The following PPP2R3B variants were observed in gnomAD, a reference collection of about 807,000 sequenced individuals.
PPP2R3B encodes serine/threonine-protein phosphatase 2A regulatory subunit B'' subunit beta.
PPP2R3B carries 68 observed loss-of-function variants against 72.9 expected under a neutral mutation model. The ratio of observed to expected loss-of-function variants is 0.93; its 90% CI spans 0.77 to 1.14. The LOEUF is 1.14. Among genes scored for constraint, PPP2R3B ranks in the 50% most tolerant of loss-of-function variants. The pLI is 0.00. For missense variants in PPP2R3B, 1,018 were observed against 842.0 expected (o/e 1.21, Z -2.59); for synonymous variants, 466 against 375.8 (o/e 1.24, Z -2.78).
Position 382,293 on chromosome X carries a change from G to A in PPP2R3B, c.324+4075C>T, listed in dbSNP as rs187900476. On this transcript the variant is annotated intron_variant, in intron 1 of 12. Transcript: ENST00000390665. Reference sequence around the variant, plus strand: ...GCTCACTGCAATCTCCGCCTCCCAGGTTCAAGTGATTCTCCTGCCTCAGCC... The same window carrying A: ...GCTCACTGCAATCTCCGCCTCCCAGATTCAAGTGATTCTCCTGCCTCAGCC... Among the ~76,000 whole-genome samples, 171 of 151,312 alleles carry A rather than the reference G, an allele frequency of 1.1e-3. 1 individual carries two copies. Among genetic ancestry groups the A allele is most frequent in the African/African-American group, 3.9e-3 (159 of 41,178 alleles).
intron 7 of PPP2R3B, chrX:342,228 AG>A: frequency 1.8e-6 from 1 of 569,570 alleles, no homozygotes; most frequent in South Asian, 2.1e-5. Context: ...TTTCAGACGG[AG>A]AGAGAGACCT....
chrX:357,541 T>A (rs760400336), intron 2 of PPP2R3B, among the ~76,000 whole-genome samples: 2 of 152,078 alleles, frequency 1.3e-5, no homozygotes, highest in Admixed American at 1.3e-4. Flanking sequence ...GAACCGGAAA[T>A]AAATGATTCT....
intron 1 of PPP2R3B, among the ~76,000 whole-genome samples, chrX:374,249 A>T (rs778589330): frequency 4.5e-4 from 69 of 152,152 alleles, no homozygotes; most frequent in African/African-American, 1.6e-3. Flanking sequence ...ACAACACCAG[A>T]GCTGGCTGCA....
Position 334,449 on chromosome X carries a change from G to A in PPP2R3B, c.1646C>T (p.Pro549Leu), listed in dbSNP as rs2070832766. 3.1e-6 allele frequency: 5 copies of A among 1,595,828 alleles called. No homozygotes were observed. Among genetic ancestry groups the A allele is most frequent in the Non-Finnish European group, 4.3e-6 (5 of 1,176,216 alleles). Residue 549 changes from proline to leucine, a missense_variant, in exon 13 of 13, where the codon CCC (proline) becomes CTC (leucine). Transcript: ENST00000390665. Reference protein sequence around the residue: ...SALRSPLAQRPFFEAPSPLGA... With the variant: ...SALRSPLAQRLFFEAPSPLGA... ...CAGCGGTGAGGGCGCCTCGAAGAAG[G>A]GCCTCTGGGCCAGCGGGGAGCGCAG...
chrX:364,681 G>A (rs2071659810), intron 1 of PPP2R3B, among the ~76,000 whole-genome samples: 1 of 94,382 alleles, frequency 1.1e-5, no homozygotes, highest in Non-Finnish European at 2.0e-5. Context: ...TCGCACCACT[G>A]CACTCCAGCC....
chrX:340,252 G>T (rs2738370), intron 10 of PPP2R3B, among the ~76,000 whole-genome samples: 1 of 92,426 alleles, frequency 1.1e-5, no homozygotes, highest in African/African-American at 4.0e-5. Flanking sequence ...CAGCACGAAC[G>T]TGGCAACTGC....
intron 1 of PPP2R3B, among the ~76,000 whole-genome samples, chrX:371,754 C>A (rs1362777118): frequency 6.6e-6 from 1 of 152,124 alleles, no homozygotes; most frequent in South Asian, 2.1e-4. Flanking sequence ...ACCCAACAGA[C>A]AGAGCCCACA....
intron 2 of PPP2R3B, among the ~76,000 whole-genome samples, chrX:351,329 C>T (rs182247626): frequency 6.5e-4 from 99 of 152,226 alleles, no homozygotes; most frequent in Non-Finnish European, 1.1e-3. Context: ...GCTCACAGGC[C>T]GTGCAGGTTT....
chrX:368,105 G>A (rs776464281), intron 1 of PPP2R3B, among the ~76,000 whole-genome samples: 85 of 152,102 alleles, frequency 5.6e-4, no homozygotes, highest in African/African-American at 1.9e-3. Context: ...CACCCACCCC[G>A]GGCACAGACA....
chrX:359,122 C>T (rs1223784474), intron 2 of PPP2R3B, among the ~76,000 whole-genome samples: 1 of 152,142 alleles, frequency 6.6e-6, no homozygotes. Flanking sequence ...AGGTGTCTGA[C>T]CCAGCCCGAG....
intron 1 of PPP2R3B, among the ~76,000 whole-genome samples, chrX:374,341 G>A (rs1375330238): frequency 6.6e-6 from 1 of 152,190 alleles, no homozygotes; most frequent in Admixed American, 6.5e-5. Context: ...ACGCACGGCA[G>A]CCCAGACATC....
At chrX:349,910 C>G (rs1207476903) in intron 2 of PPP2R3B, among the ~76,000 whole-genome samples, 2 of 152,164 alleles carry the variant, frequency 1.3e-5, no homozygotes, top group South Asian at 2.1e-4. Flanking sequence ...CTCCAGACGA[C>G]TCTGTTGACC....
At position 353,877 on chromosome X, in the gene PPP2R3B, G is replaced by A. The variant is rs760835957; in HGVS notation, c.511-6184C>T. Among the ~76,000 whole-genome samples the A allele has an allele frequency of 1.9e-4, 25 of 133,800 alleles. 1 individual carries two copies. In the South Asian group the frequency reaches 4.5e-3, roughly 24 times the overall value. The allele number at this position is 133,800 out of a possible 152,430, so 87.8% of individuals were successfully genotyped here. A position where few individuals can be genotyped will look rare whatever the true frequency, so the allele number is the denominator to read the frequency against. On this transcript the variant is annotated intron_variant, in intron 2 of 12. Coordinates refer to ENST00000390665, the MANE Select transcript of PPP2R3B (RefSeq NM_013239.5). ...GACCGGGGGCTCACCCAAAGACCAG[G>A]GCTCACCCAAAGACCGGGGGCTCAC...
At chrX:342,119 C>G (rs2071093154) in intron 7 of PPP2R3B, 188 bp from the exon 8 acceptor site, 3 of 671,870 alleles carry the variant, frequency 4.5e-6, no homozygotes, top group Non-Finnish European at 8.0e-6. Context: ...TCCCGTCGAG[C>G]AGAGCCAAGT....
intron 1 of PPP2R3B, among the ~76,000 whole-genome samples, chrX:363,208 C>CTGCATCTCCCCGAGCCCGCGATCCCACAG (rs2071579032): frequency 7.2e-4 from 4 of 5,578 alleles, no homozygotes; most frequent in Non-Finnish European, 2.0e-3. Context: ...CAGGAGGTCC[C>CTGCATCTCCCCGAGCCCGCGATCCCACAG]TGCATCTCCC....
At chrX:334,922 G>A (rs2070848252) in intron 12 of PPP2R3B, 2 of 180,262 alleles carry the variant, frequency 1.1e-5, no homozygotes, top group Admixed American at 6.3e-5. Flanking sequence ...GCTCCCAGTG[G>A]AGGCTACCAC....
At chrX:386,273 T>C (rs1335394207) in intron 1 of PPP2R3B, 95 bp downstream of exon 1, 1 of 1,082,562 alleles carries the variant, frequency 9.2e-7, no homozygotes. Context: ...TTTTGGGGTC[T>C]GACGCTCGCC....
At chrX:358,467 C>T (rs1181172970) in intron 2 of PPP2R3B, among the ~76,000 whole-genome samples, 2 of 152,242 alleles carry the variant, frequency 1.3e-5, no homozygotes, top group Non-Finnish European at 2.9e-5. Context: ...GGAGGTGTCT[C>T]TCGGACTCCC....
rs1262794443 is a variant in PPP2R3B at position 346,182 on chromosome X, A to G, written c.871T>C (p.Phe291Leu). The G allele has an allele frequency of 5.8e-6, 9 of 1,559,242 alleles. No individual in the cohort carries two copies. Among genetic ancestry groups the G allele is most frequent in the Non-Finnish European group, 6.1e-6 (7 of 1,154,592 alleles). The change falls in exon 6 of 13, where the codon TTC becomes CTC. Residue 291 changes from phenylalanine to leucine, a missense_variant. Phe to Leu is a conservative substitution (Grantham distance 22). Coordinates refer to ENST00000390665, the MANE Select transcript of PPP2R3B (RefSeq NM_013239.5). ...AGGGGGCCGCTCCGCACCTGCAGGA[A>G]GGAGCTCCTCCGCAGCTCGGCGCAG... ...ITCAELRRSS[F>L]LQNVALLEEE...
Sources: allele counts gnomAD v4.1 joint callset (sites outside exome capture counted in the v4.1 genomes callset), GRCh38; gene constraint gnomAD v4.1.1; transcripts MANE v1.5; gene names NCBI Gene and HGNC (gene_info 2026-07-23, HGNC 2026-07-21).